Variants in ACACB observed in about 807,000 individuals in gnomAD.
ACACB encodes acetyl-CoA carboxylase beta, also known as acetyl-CoA carboxylase 2.
Under a neutral mutation model 278.8 loss-of-function variants are expected in ACACB, and 209 were observed. The observed-to-expected ratio is 0.75, with a 90% CI of 0.67 to 0.84. The LOEUF is 0.84. ACACB is among the 40% of genes least tolerant of loss of function. The pLI is 0.00. For synonymous variants in ACACB, 1,174 were observed against 1,285.6 expected, an observed-to-expected ratio of 0.91 and a Z score of 1.86; for missense variants, 2,850 against 3,269.0, an observed-to-expected ratio of 0.87 and a Z score of 3.13.
upstream of ACACB, among the ~76,000 whole-genome samples, chr12:109,115,326 C>A (rs2042382594): frequency 6.6e-6 from 1 of 152,150 alleles, no homozygotes; most frequent in Non-Finnish European, 1.5e-5. Flanking sequence ...ACTGTCAACA[C>A]CCTGCCTAGA....
chr12:109,181,572 G>A (rs544610067), intron 11 of ACACB, among the ~76,000 whole-genome samples: 209 of 152,164 alleles, frequency 1.4e-3, no homozygotes, highest in Non-Finnish European at 2.0e-3. Context: ...TGGACATTTA[G>A]GTTGATTCCA....
intron 11 of ACACB, among the ~76,000 whole-genome samples, chr12:109,183,842 G>A (rs984040861): frequency 6.6e-6 from 1 of 150,400 alleles, no homozygotes; most frequent in African/African-American, 2.5e-5. Flanking sequence ...GTCTCATTAC[G>A]TTGCCCAGGC....
At chr12:109,135,275 G>A (rs2042937829) in intron 1 of ACACB, among the ~76,000 whole-genome samples, 1 of 152,132 alleles carries the variant, frequency 6.6e-6, no homozygotes, top group African/African-American at 2.4e-5. Flanking sequence ...TGACACCTAA[G>A]CATGTTGAAT....
chr12:109,153,849 G>C (rs1210078442), intron 2 of ACACB, among the ~76,000 whole-genome samples: 1 of 152,080 alleles, frequency 6.6e-6, no homozygotes, highest in Admixed American at 6.6e-5. Flanking sequence ...TATTAGTAGA[G>C]ACAGGGTGTC....
intron 27 of ACACB, among the ~76,000 whole-genome samples, chr12:109,227,076 G>A (rs1188012357): frequency 1.3e-5 from 2 of 151,740 alleles, no homozygotes; most frequent in Non-Finnish European, 2.9e-5. Flanking sequence ...TCAGCCTCCC[G>A]AGTAGCTGGG....
chr12:109,112,535 T>A (rs181172682), upstream of ACACB, among the ~76,000 whole-genome samples: 1 of 151,944 alleles, frequency 6.6e-6, no homozygotes, highest in Admixed American at 6.6e-5. Flanking sequence ...AAACCCTGTC[T>A]CCACTAAAAA....
chr12:109,145,724 G>A (rs1364696043), intron 2 of ACACB, among the ~76,000 whole-genome samples: 1 of 152,052 alleles, frequency 6.6e-6, no homozygotes, highest in Non-Finnish European at 1.5e-5. Context: ...CTTGAGGCCA[G>A]GCACGGCAGG....
At chr12:109,189,395 A>C (rs2044782208) in intron 13 of ACACB, among the ~76,000 whole-genome samples, 1 of 152,214 alleles carries the variant, frequency 6.6e-6, no homozygotes, top group Non-Finnish European at 1.5e-5. Context: ...AGTAGGCGGA[A>C]GACAGGTCAG....
intron 44 of ACACB, 129 bp downstream of exon 44, chr12:109,254,463 T>C (rs1006580140): frequency 1.1e-6 from 1 of 941,032 alleles, no homozygotes; most frequent in Non-Finnish European, 1.6e-6. Context: ...CAGAGAGGTA[T>C]ACCTGAAATC....
intron 2 of ACACB, among the ~76,000 whole-genome samples, chr12:109,161,731 T>TTGTG (rs140801879): frequency 0.069 from 10,380 of 150,160 alleles, 792 homozygotes; most frequent in African/African-American, 0.19. Flanking sequence ...TAGTATTCTT[T>TTGTG]TGTGTGTATG....
intron 1 of ACACB, among the ~76,000 whole-genome samples, chr12:109,133,340 C>G (rs867988998): frequency 6.6e-6 from 1 of 152,060 alleles, no homozygotes; most frequent in African/African-American, 2.4e-5. Flanking sequence ...AAGCAATTCT[C>G]CTGCCTCAGC....
At position 109,265,395 on chromosome 12, in the gene ACACB, T is replaced by C. The variant is rs2047490334; in HGVS notation, c.7120T>C (p.Leu2374=). Residue 2374 remains leucine (L), a synonymous_variant, in exon 52 of 53, where the codon TTG becomes CTG. Transcript: ENST00000338432. The part of the protein sequence containing the change: ...VETEGAVKAY[L]WDNNQVVVQW... ...TCCTCTGCCCCCTCCCCAGGCCTAC[T>C]TGTGGGACAACAACCAGGTGGTTGT... 1.2e-6 allele frequency: 2 copies of C among 1,613,780 alleles called. No individual in the cohort carries two copies. Among genetic ancestry groups the C allele is most frequent in the Non-Finnish European group, 1.7e-6 (2 of 1,179,920 alleles).
chr12:109,171,432 C>T (rs2044111368), intron 4 of ACACB, among the ~76,000 whole-genome samples: 2 of 152,006 alleles, frequency 1.3e-5, no homozygotes, highest in Admixed American at 6.5e-5. Flanking sequence ...TCACTGCTAC[C>T]TCCGCCTCCT....
At chr12:109,252,322 G>T in intron 42 of ACACB, 166 bp downstream of exon 42, 1 of 446,582 alleles carries the variant, frequency 2.2e-6, no homozygotes. Flanking sequence ...GTCCTTATGA[G>T]AAAAAAAAAA....
intron 2 of ACACB, among the ~76,000 whole-genome samples, chr12:109,141,406 C>G (rs1201621958): frequency 6.6e-6 from 1 of 152,202 alleles, no homozygotes; most frequent in Non-Finnish European, 1.5e-5. Flanking sequence ...TCCACCTTCT[C>G]CTCTGCCATC....
Position 109,191,965 on chromosome 12 carries a change from A to G in ACACB, c.2399+15A>G, listed in dbSNP as rs759975766. ...TCCCTGGAAAGGTAGGGGCTGTGGC[A>G]GTTCCCTTCTGCTTTTGTGATATGT... On this transcript the variant is annotated intron_variant, in intron 15 of 52. Coordinates refer to ENST00000338432, the MANE Select transcript of ACACB (RefSeq NM_001093.4). The G allele has an allele frequency of 5.0e-6, 8 of 1,613,384 alleles. No individual in the cohort carries two copies. The highest frequency in any genetic ancestry group is 1.7e-4 in the Middle Eastern group (1 of 6,036).
At chr12:109,210,144 T>C (rs1330386832) in intron 21 of ACACB, among the ~76,000 whole-genome samples, 1 of 66,170 alleles carries the variant, frequency 1.5e-5, no homozygotes, top group African/African-American at 5.5e-5. Context: ...TGTATATATG[T>C]ATATATACAC....
intron 47 of ACACB, 22 bp from the exon 48 acceptor site, chr12:109,260,458 G>T (rs765700875): frequency 1.9e-6 from 3 of 1,614,088 alleles, no homozygotes; most frequent in East Asian, 4.5e-5. Context: ...GCCCTGAACT[G>T]GGAGGCTGCT....
intron 2 of ACACB, among the ~76,000 whole-genome samples, chr12:109,141,500 C>T (rs2043124913): frequency 6.6e-6 from 1 of 152,192 alleles, no homozygotes; most frequent in East Asian, 1.9e-4. Context: ...GAGCCACCAA[C>T]CAAAACTTCA....
Sources: allele counts gnomAD v4.1 joint callset (sites outside exome capture counted in the v4.1 genomes callset), GRCh38; gene constraint gnomAD v4.1.1; transcripts MANE v1.5; gene names NCBI Gene and HGNC (gene_info 2026-07-23, HGNC 2026-07-21).